Variants in PLXNB2 observed in about 807,000 individuals in gnomAD.
The protein encoded by PLXNB2 is plexin-B2.
A neutral mutation model predicts 202.6 loss-of-function variants in PLXNB2; 85 were observed. That is an observed-to-expected ratio of 0.42 (90% confidence interval 0.35 to 0.50). The LOEUF (loss-of-function observed/expected upper bound fraction) is 0.50, where lower values mean the gene tolerates loss of function less well. Ranked by LOEUF, PLXNB2 falls within the 20% of genes least tolerant of loss-of-function variation. The pLI, the probability that PLXNB2 is intolerant of heterozygous loss-of-function variation, is 0.02. For synonymous variants in PLXNB2, 1,239 were observed against 1,137.6 expected (o/e 1.09, Z -1.79); for missense variants, 2,063 against 2,586.2 (o/e 0.80, Z 4.39).
chr22:50,305,407 C>A (rs2067849368), intron 1 of PLXNB2, among the ~76,000 whole-genome samples: 1 of 152,224 alleles, frequency 6.6e-6, no homozygotes. Context: ...CGGGCGCACA[C>A]ACAGCATGGA....
intron 2 of PLXNB2, 45 bp from the exon 3 acceptor site, chr22:50,290,642 C>A: frequency 6.7e-7 from 1 of 1,485,414 alleles, no homozygotes; most frequent in Non-Finnish European, 8.9e-7. Context: ...CCCAGAGGAC[C>A]CCCGATCAAA....
At chr22:50,307,224 T>A (rs1183060739) in intron 1 of PLXNB2, among the ~76,000 whole-genome samples, 1 of 151,940 alleles carries the variant, frequency 6.6e-6, no homozygotes, top group African/African-American at 2.4e-5. Flanking sequence ...CGCGAGACCA[T>A]CTCCGCTCGG....
At position 50,282,641 on chromosome 22, in the gene PLXNB2, G is replaced by C. The variant is rs550710768; in HGVS notation, c.2987+70C>G. 191 of 1,178,004 alleles carry C rather than the reference G, an allele frequency of 1.6e-4. No individual in the cohort carries two copies. The South Asian group carries it at 2.6e-3, about 16-fold the overall frequency. The allele number at this position is 1,178,004 out of a possible 1,614,324, so 73.0% of individuals were successfully genotyped here. ...GCCCCACCACATTCCTTTCAGCACA[G>C]TCAGCCAAGGGCACTGAGGAGGCAG... is the stretch of plus-strand genomic sequence containing the variant. On this transcript the variant is annotated intron_variant, in intron 18 of 36. Coordinates refer to ENST00000359337, the MANE Select transcript of PLXNB2 (RefSeq NM_012401.4).
rs1197174557 is a variant in PLXNB2, at chr22:50,284,390, T to C, written c.2182-177A>G. 4 of 731,508 alleles carry C rather than the reference T, an allele frequency of 5.5e-6. No individual in the cohort carries two copies. Among genetic ancestry groups the C allele is most frequent in the Non-Finnish European group, 9.3e-6 (4 of 432,364 alleles). The allele number at this position is 731,508 out of a possible 1,614,324, so 45.3% of individuals were successfully genotyped here. ...ATGGACGCTGCTCTGTGCCACTCTG[T>C]CCCCAGGGAGGCAGAGGGCAGAGGG... On this transcript the variant is annotated intron_variant, in intron 12 of 36. Coordinates refer to ENST00000359337, the MANE Select transcript of PLXNB2 (RefSeq NM_012401.4). This position sits in a 1 kb window ranked among gnomAD's most constrained non-coding sequence, Gnocchi z 8.0.
intron 1 of PLXNB2, among the ~76,000 whole-genome samples, chr22:50,304,861 A>T: frequency 6.6e-6 from 1 of 152,252 alleles, no homozygotes; most frequent in Non-Finnish European, 1.5e-5. Flanking sequence ...CTGGGGGGCC[A>T]CTTGCTGGCC....
rs56335823 is a variant in PLXNB2, at chr22:50,282,689, G to C, written c.2987+22C>G. The C allele has an allele frequency of 7.8e-3, 12,231 of 1,558,942 alleles. 852 individuals carry two copies. The African/African-American group carries it at 0.15, about 19-fold the overall frequency. On this transcript the variant is annotated intron_variant, in intron 18 of 36. Transcript: ENST00000359337. ...CAGCTGGGTGTGGGGAGCAGAGGGG[G>C]GCGGGGGGACACCAGCCTCACCTGG... is the stretch of plus-strand genomic sequence containing the variant.
intron 2 of PLXNB2, 48 bp downstream of exon 2, chr22:50,294,671 T>C (rs749324649): frequency 9.0e-5 from 78 of 868,916 alleles, no homozygotes; most frequent in Middle Eastern, 5.7e-4. Context: ...GGCCTCCCTG[T>C]CCACATAGCC....
chr22:50,296,958 G>A (rs900754940), intron 1 of PLXNB2, among the ~76,000 whole-genome samples: 2 of 152,196 alleles, frequency 1.3e-5, no homozygotes, highest in Non-Finnish European at 2.9e-5. Flanking sequence ...GGGTTAACCC[G>A]GCCAAAGGGC....
In PLXNB2 at chr22:50,276,737, G is replaced by A. The variant is rs369225685; in HGVS notation, c.5262-33C>T. ...GGTGGGAGCATCATACAGTGTGGGC[G>A]GCAGGGACCACAAAGGGGGTGGTGG... is the stretch of plus-strand genomic sequence containing the variant. On this transcript the variant is annotated intron_variant, in intron 34 of 36. Coordinates refer to ENST00000359337, the MANE Select transcript of PLXNB2 (RefSeq NM_012401.4). 57 of 1,605,012 alleles carry A rather than the reference G, an allele frequency of 3.6e-5. 1 individual carries two copies. The Middle Eastern group carries it at 5.0e-4, about 14-fold the overall frequency.
At position 50,284,082 on chromosome 22, in the gene PLXNB2, T is replaced by G. The variant is rs1302635767; in HGVS notation, c.2263+50A>C. On this transcript the variant is annotated intron_variant, in intron 13 of 36. Coordinates refer to ENST00000359337, the MANE Select transcript of PLXNB2 (RefSeq NM_012401.4). The surrounding 1 kb of genome is among the most constrained non-coding windows in gnomAD (Gnocchi z 8.0). ...CCCACCTGTCCCCCCACCCACCGCC[T>G]TGTGCCCACCCGTCCCCTGCCCGCC... The G allele has an allele frequency of 7.7e-6, 7 of 911,938 alleles. No individual in the cohort carries two copies. Among genetic ancestry groups the G allele is most frequent in the Non-Finnish European group, 1.1e-5 (7 of 656,944 alleles). 56.5% of individuals were successfully genotyped at this position (911,938 alleles called of 1,614,324 possible).
intron 1 of PLXNB2, among the ~76,000 whole-genome samples, chr22:50,306,681 C>CCACCCTCACCCTCACCCTCACCCT (rs373798870): frequency 2.1e-5 from 3 of 145,422 alleles, no homozygotes; most frequent in Admixed American, 6.8e-5. Context: ...GGTTTGGGGC[C>CCACCCTCACCCTCACCCTCACCCT]CACCCTCACC....
In PLXNB2 at chr22:50,280,022, G is replaced by A. The variant is rs1292126822; in HGVS notation, c.4225C>T (p.Leu1409=). ...RMLSNWMSIC[L]YQYLKDSAGE... ...GAACCCACCTTGAGGTACTGGTACA[G>A]GCAGATGGACATCCAGTTGGACAGC... The change falls in exon 26 of 37, where the codon CTG becomes TTG. Residue 1409 remains leucine, a synonymous_variant. Transcript: ENST00000359337. The A allele has an allele frequency of 1.9e-6, 3 of 1,610,150 alleles. No homozygotes were observed. Among genetic ancestry groups the A allele is most frequent in the African/African-American group, 1.3e-5 (1 of 74,960 alleles).
chr22:50,305,398 G>A (rs62241213), intron 1 of PLXNB2, among the ~76,000 whole-genome samples: 56,927 of 152,084 alleles, frequency 0.37, 11,277 homozygotes, highest in South Asian at 0.59. Flanking sequence ...CACACACCCC[G>A]GGCGCACACA....
At position 50,288,969 on chromosome 22, in the gene PLXNB2, C is replaced by T. The variant is rs2066671309; in HGVS notation, c.1242G>A (p.Arg414=). 1.9e-6 allele frequency: 3 copies of T among 1,608,162 alleles called. 1 individual carries two copies. The highest frequency in any genetic ancestry group is 3.3e-5 in the Admixed American group (2 of 59,882). ...TVAFLGTSDG[R]ILKVYLTPDG... is the part of the protein sequence containing the mutation. ...CCAGCCTGGGCCAAACCTTGAGGATCCGGCCATCAGAGGTGCCCAGAAAAG... is the reference window on the plus strand; with the variant it reads ...CCAGCCTGGGCCAAACCTTGAGGATTCGGCCATCAGAGGTGCCCAGAAAAG... Residue 414 remains arginine, a synonymous_variant, in exon 4 of 37, where the codon CGG becomes CGA. Coordinates refer to ENST00000359337, the MANE Select transcript of PLXNB2 (RefSeq NM_012401.4). This position sits in a 1 kb window ranked among gnomAD's most constrained non-coding sequence, Gnocchi z 5.0.
chr22:50,300,876 G>A (rs1449003975), intron 1 of PLXNB2, among the ~76,000 whole-genome samples: 1 of 152,108 alleles, frequency 6.6e-6, no homozygotes, highest in African/African-American at 2.4e-5. Context: ...GCCCCCACTG[G>A]TCCACACCTC....
intron 35 of PLXNB2, among the ~76,000 whole-genome samples, chr22:50,276,193 G>A (rs1333856527): frequency 6.6e-6 from 1 of 152,230 alleles, no homozygotes; most frequent in Non-Finnish European, 1.5e-5. Flanking sequence ...GCACGGCTGT[G>A]GATGGACCCA....
intron 1 of PLXNB2, among the ~76,000 whole-genome samples, chr22:50,303,907 G>A (rs2067794946): frequency 6.6e-6 from 1 of 152,222 alleles, no homozygotes; most frequent in African/African-American, 2.4e-5. Context: ...TCAGAAGCCA[G>A]GAGACCTTAG....
At chr22:50,282,948 T>TGGCCC in intron 17 of PLXNB2, 67 bp from the exon 18 acceptor site, 1 of 1,558,270 alleles carries the variant, frequency 6.4e-7, no homozygotes. Flanking sequence ...CCGACCAGGC[T>TGGCCC]GGCCCCGCCA....
At chr22:50,302,411 C>G (rs1156883722) in intron 1 of PLXNB2, among the ~76,000 whole-genome samples, 1 of 152,148 alleles carries the variant, frequency 6.6e-6, no homozygotes, top group Non-Finnish European at 1.5e-5. Flanking sequence ...GAGGCCAGGT[C>G]CAGCCCCTTG....
Sources: gnomAD v4.1 joint callset for allele counts (sites outside exome capture counted in the v4.1 genomes callset) on GRCh38, gnomAD v4.1.1 for gene constraint, Gnocchi (gnomAD v3.1) non-coding constraint, MANE v1.5 for transcripts, NCBI Gene and HGNC (gene_info 2026-07-23, HGNC 2026-07-21) for gene names.